Variants in CNTN6 observed in about 807,000 individuals in gnomAD.
CNTN6 encodes contactin-6.
Under a neutral mutation model 122.8 loss-of-function variants are expected in CNTN6, and 137 were observed. That is an observed-to-expected ratio of 1.12 (90% CI 0.97 to 1.29). CNTN6 has a LOEUF of 1.29. Ranked by LOEUF, CNTN6 falls within the 50% of genes most tolerant of loss-of-function variation. CNTN6 has a pLI of 0.00. For synonymous variants in CNTN6, 570 were observed against 426.0 expected, an observed-to-expected ratio of 1.34 and a Z score of -4.16; for missense variants, 1,634 against 1,223.4, an observed-to-expected ratio of 1.34 and a Z score of -5.01.
intron 4 of CNTN6, among the ~76,000 whole-genome samples, chr3:1,269,536 G>T (rs771689729): frequency 6.6e-6 from 1 of 152,160 alleles, no homozygotes; most frequent in African/African-American, 2.4e-5. Flanking sequence ...TTTGAGTCTA[G>T]CCCACATCTA....
At chr3:1,125,538 A>G (rs2092129551) in intron 1 of CNTN6, among the ~76,000 whole-genome samples, 1 of 151,884 alleles carries the variant, frequency 6.6e-6, no homozygotes, top group Non-Finnish European at 1.5e-5. Flanking sequence ...AGTATTATGC[A>G]GGTTCAAACC....
At chr3:1,252,908 T>G (rs1361415426) in intron 4 of CNTN6, among the ~76,000 whole-genome samples, 2 of 152,134 alleles carry the variant, frequency 1.3e-5, no homozygotes, top group African/African-American at 4.8e-5. Context: ...TAAGTAATGT[T>G]CTCAGGGCAT....
At chr3:1,233,502 G>A (rs71309808) in intron 4 of CNTN6, among the ~76,000 whole-genome samples, 26,849 of 151,870 alleles carry the variant, frequency 0.18, 2,757 homozygotes, top group African/African-American at 0.26. Flanking sequence ...TTGGGAGGCC[G>A]AGGCGGGCGG....
At chr3:1,156,872 C>T (rs984494303) in intron 2 of CNTN6, among the ~76,000 whole-genome samples, 2 of 151,878 alleles carry the variant, frequency 1.3e-5, no homozygotes, top group Non-Finnish European at 2.9e-5. Flanking sequence ...CATGCACCAT[C>T]GTGCCTGGCT....
At chr3:1,327,020 C>T (rs265778) in intron 9 of CNTN6, among the ~76,000 whole-genome samples, 1,693 of 151,946 alleles carry the variant, frequency 0.011, 33 homozygotes, top group African/African-American at 0.039. Flanking sequence ...ACTCAAGACT[C>T]AATTAGAAAA....
intron 2 of CNTN6, among the ~76,000 whole-genome samples, chr3:1,150,739 C>G (rs982694443): frequency 2.0e-5 from 3 of 152,116 alleles, no homozygotes; most frequent in African/African-American, 7.2e-5. Context: ...GTCCTAATAC[C>G]TGGAACCTGT....
chr3:1,146,914 G>C lies in CNTN6; in HGVS notation c.-82-1013G>C, dbSNP rs115998305. Among the ~76,000 whole-genome samples the C allele has an allele frequency of 2.7e-3, 405 of 152,088 alleles. 1 individual carries two copies. The highest frequency in any genetic ancestry group is 9.2e-3 in the African/African-American group (382 of 41,524). ...TGACTCAATACCTATGTTGACCCCT[G>C]AATATTGTTTATTTTTCCTGTGATT... On this transcript the variant is annotated intron_variant, in intron 1 of 22. Coordinates refer to ENST00000446702, the MANE Select transcript of CNTN6 (RefSeq NM_001289080.2).
At chr3:1,401,627 T>G (rs1262161153) in intron 21 of CNTN6, 82 bp downstream of exon 21, 1 of 813,764 alleles carries the variant, frequency 1.2e-6, no homozygotes, top group African/African-American at 1.8e-5. Flanking sequence ...GAAAACAAAT[T>G]GGATGCATAT....
intron 20 of CNTN6, among the ~76,000 whole-genome samples, chr3:1,390,301 T>A (rs1047502328): frequency 5.3e-5 from 8 of 152,132 alleles, no homozygotes; most frequent in Non-Finnish European, 1.2e-4. Flanking sequence ...AACCTGCTCC[T>A]GAATGACTAC....
chr3:1,340,096 T>C (rs192696312), intron 11 of CNTN6, among the ~76,000 whole-genome samples: 1 of 152,220 alleles, frequency 6.6e-6, no homozygotes. Flanking sequence ...AAACTAAGGC[T>C]TAGAGAAGTT....
intron 1 of CNTN6, among the ~76,000 whole-genome samples, chr3:1,099,847 AT>A: frequency 6.6e-6 from 1 of 152,202 alleles, no homozygotes; most frequent in African/African-American, 2.4e-5. Flanking sequence ...TTCTTTATTC[AT>A]TTTTTCAACT....
intron 10 of CNTN6, among the ~76,000 whole-genome samples, chr3:1,328,443 T>G (rs1462634895): frequency 6.6e-6 from 1 of 151,822 alleles, no homozygotes; most frequent in Non-Finnish European, 1.5e-5. Context: ...TTATGGGTGA[T>G]GAGCACTCAT....
chr3:1,221,254 G>T (rs996129618), intron 3 of CNTN6, among the ~76,000 whole-genome samples: 1 of 151,988 alleles, frequency 6.6e-6, no homozygotes, highest in Non-Finnish European at 1.5e-5. Flanking sequence ...AGAAAAAAAT[G>T]AAGAGAAAGG....
chr3:1,100,772 A>T (rs2090847565), intron 1 of CNTN6, among the ~76,000 whole-genome samples: 1 of 152,104 alleles, frequency 6.6e-6, no homozygotes, highest in South Asian at 2.1e-4. Context: ...TGCTCTTTTA[A>T]AAATTATCCT....
intron 2 of CNTN6, among the ~76,000 whole-genome samples, chr3:1,192,969 A>G (rs2093723943): frequency 2.0e-5 from 3 of 152,164 alleles, no homozygotes; most frequent in Admixed American, 1.3e-4. Context: ...CCTAGGGCCT[A>G]GATGACAAGA....
At chr3:1,131,499 AC>A (rs1213430699) in intron 1 of CNTN6, among the ~76,000 whole-genome samples, 1 of 151,876 alleles carries the variant, frequency 6.6e-6, no homozygotes, top group Non-Finnish European at 1.5e-5. Flanking sequence ...AGCAAATTAA[AC>A]CCCTATTTTG....
chr3:1,276,321 C>G (rs1456544108), intron 4 of CNTN6, among the ~76,000 whole-genome samples: 1 of 152,158 alleles, frequency 6.6e-6, no homozygotes, highest in East Asian at 1.9e-4. Flanking sequence ...AAGAACATGA[C>G]ACTAAGAATG....
rs778828095 is a variant in CNTN6, at chr3:1,352,385, T to C, written c.1426T>C (p.Ser476Pro). The C allele has an allele frequency of 6.2e-7, 1 of 1,602,936 alleles. No homozygotes were observed. Among genetic ancestry groups the C allele is most frequent in the South Asian group, 1.1e-5 (1 of 90,310 alleles). Residue 476 changes from serine (S) to proline (P), a missense_variant, in exon 12 of 23, where the codon TCA becomes CCA. Ser to Pro is a moderately conservative substitution (Grantham distance 74, BLOSUM62 -1). Coordinates refer to ENST00000446702, the MANE Select transcript of CNTN6 (RefSeq NM_001289080.2). ...IYNITRSDAGSYTCIATNQFG... is the reference protein window; with the variant it reads ...IYNITRSDAGPYTCIATNQFG... ...TAATATTACCAGGTCAGATGCTGGA[T>C]CATATACATGCATAGCCACAAATCA...
chr3:1,345,063 T>A (rs1704462789), intron 11 of CNTN6, among the ~76,000 whole-genome samples: 1 of 152,136 alleles, frequency 6.6e-6, no homozygotes, highest in Non-Finnish European at 1.5e-5. Context: ...ATCTTTGAAT[T>A]TTGCCTGGAC....
Sources: allele counts gnomAD v4.1 joint callset (sites outside exome capture counted in the v4.1 genomes callset), GRCh38; gene constraint gnomAD v4.1.1; transcripts MANE v1.5; gene names NCBI Gene and HGNC (gene_info 2026-07-23, HGNC 2026-07-21).